Variants in MGAT4C observed in about 807,000 individuals in gnomAD.
MGAT4C encodes the protein alpha-1,3-mannosyl-glycoprotein 4-beta-N-acetylglucosaminyltransferase C.
A neutral mutation model predicts 40.1 loss-of-function variants in MGAT4C; 19 were observed. That is an observed-to-expected ratio of 0.47 (90% confidence interval 0.33 to 0.70). MGAT4C has a LOEUF of 0.70. Ranked by LOEUF, MGAT4C falls within the 30% of genes least tolerant of loss-of-function variation. The pLI, the probability that MGAT4C is intolerant of heterozygous loss-of-function variation, is 0.02. For synonymous variants in MGAT4C, 181 were observed against 187.1 expected (o/e 0.97, Z 0.27); for missense variants, 491 against 563.2 (o/e 0.87, Z 1.30).
chr12:86,408,479 C>CTCTCTCTCTCTATATATA (rs1267344319), intron 3 of MGAT4C, among the ~76,000 whole-genome samples: 11 of 63,340 alleles, frequency 1.7e-4, no homozygotes, highest in African/African-American at 7.8e-4. Flanking sequence ...CTCTCTCTCT[C>CTCTCTCTCTCTATATATA]TATATATATA....
intron 4 of MGAT4C, among the ~76,000 whole-genome samples, chr12:86,282,897 G>A (rs955535833): frequency 6.6e-6 from 1 of 152,068 alleles, no homozygotes; most frequent in African/African-American, 2.4e-5. Flanking sequence ...GTTTAGCAAA[G>A]CATTTTGTTA....
In MGAT4C at chr12:86,134,618, G is replaced by A. The variant is rs115932060; in HGVS notation, c.-56-84895C>T. Among the ~76,000 whole-genome samples, 827 of 152,064 alleles carry A rather than the reference G, an allele frequency of 5.4e-3. 8 individuals are homozygous for A. The highest frequency in any genetic ancestry group is 0.019 in the African/African-American group (788 of 41,488). On this transcript the variant is annotated intron_variant, in intron 1 of 4. Coordinates refer to ENST00000611864, the MANE Select transcript of MGAT4C (RefSeq NM_001351288.2). ...CAGTAATAGTCCTGAACCCCATGCC[G>A]TTTTGTCATGTAGTTACAGCTTGTC...
At chr12:86,118,737 T>C (rs1438220217) in intron 1 of MGAT4C, among the ~76,000 whole-genome samples, 6 of 152,156 alleles carry the variant, frequency 3.9e-5, no homozygotes, top group African/African-American at 1.4e-4. Context: ...TAAAAATAAA[T>C]AGAGATCACT....
chr12:86,783,994 G>A (rs1486329679), intron 1 of MGAT4C, among the ~76,000 whole-genome samples: 3 of 152,026 alleles, frequency 2.0e-5, no homozygotes, highest in Non-Finnish European at 4.4e-5. Flanking sequence ...AGGGCATTGT[G>A]GTGATAAGGT....
At chr12:86,796,751 A>AAT (rs759672626) in intron 1 of MGAT4C, among the ~76,000 whole-genome samples, 18 of 151,932 alleles carry the variant, frequency 1.2e-4, no homozygotes, top group African/African-American at 4.1e-4. Flanking sequence ...GTCATTCCAC[A>AAT]ATATATATAT....
chr12:86,710,298 G>T (rs545876087), intron 2 of MGAT4C, among the ~76,000 whole-genome samples: 44 of 152,214 alleles, frequency 2.9e-4, no homozygotes, highest in African/African-American at 1.1e-3. Flanking sequence ...TGATATTATT[G>T]TGCAACCTTT....
rs146000363 is a variant in MGAT4C, at chr12:86,703,975, A to G, written c.-229+23234T>C. 2.8e-4 allele frequency among the ~76,000 whole-genome samples: 43 copies of G among 152,300 alleles called. No homozygotes were observed. In the East Asian group the frequency reaches 8.1e-3, roughly 29 times the overall value. ...CTACTTTTATTGTTACTTTCTTTCC[A>G]TATAGACACAACTGTTTTAGACCAC... On this transcript the variant is annotated intron_variant, in intron 2 of 7. Transcript: ENST00000548651.
At chr12:86,186,450 A>G (rs983301204) in intron 1 of MGAT4C, among the ~76,000 whole-genome samples, 3 of 152,166 alleles carry the variant, frequency 2.0e-5, no homozygotes, top group Admixed American at 1.3e-4. Context: ...TATGGGCTAA[A>G]CATTAAATGT....
At chr12:86,135,813 C>G (rs1032119402) in intron 1 of MGAT4C, among the ~76,000 whole-genome samples, 1 of 152,098 alleles carries the variant, frequency 6.6e-6, no homozygotes, top group African/African-American at 2.4e-5. Context: ...ATATGTTTTT[C>G]AGATTAAGGT....
At chr12:86,438,668 G>A (rs189255449) in intron 2 of MGAT4C, among the ~76,000 whole-genome samples, 2 of 151,926 alleles carry the variant, frequency 1.3e-5, no homozygotes, top group East Asian at 3.9e-4. Flanking sequence ...CCACTTAAAT[G>A]ATACAGACTG....
At chr12:86,165,058 T>C (rs1389039480) in intron 1 of MGAT4C, among the ~76,000 whole-genome samples, 5 of 152,096 alleles carry the variant, frequency 3.3e-5, no homozygotes, top group African/African-American at 4.8e-5. Flanking sequence ...ATATGATAAT[T>C]TGGTAGATAG....
intron 1 of MGAT4C, among the ~76,000 whole-genome samples, chr12:86,109,624 G>A (rs1876856682): frequency 6.6e-6 from 1 of 151,888 alleles, no homozygotes; most frequent in Admixed American, 6.6e-5. Context: ...CTGTTTACAA[G>A]CATGGAAAAA....
At chr12:86,288,000 C>T (rs1953399216) in intron 4 of MGAT4C, among the ~76,000 whole-genome samples, 1 of 152,218 alleles carries the variant, frequency 6.6e-6, no homozygotes, top group Admixed American at 6.5e-5. Context: ...TCCACATCCT[C>T]TCCATCATCT....
At chr12:86,256,634 T>C (rs577317795), upstream of MGAT4C, among the ~76,000 whole-genome samples, 2 of 152,188 alleles carry the variant, frequency 1.3e-5, no homozygotes, top group Non-Finnish European at 2.9e-5. Flanking sequence ...AAGACTGATT[T>C]ACCTAATTAA....
chr12:86,816,649 T>C (rs1475513571), intron 1 of MGAT4C, among the ~76,000 whole-genome samples: 3 of 151,672 alleles, frequency 2.0e-5, no homozygotes, highest in Non-Finnish European at 4.4e-5. Context: ...TGCTAACATG[T>C]GCCACTAAAA....
chr12:86,052,645 A>G (rs1391404418), intron 1 of MGAT4C, among the ~76,000 whole-genome samples: 1 of 151,982 alleles, frequency 6.6e-6, no homozygotes, highest in Non-Finnish European at 1.5e-5. Context: ...ACATGAAAGA[A>G]AATGAAAGAC....
intron 4 of MGAT4C, among the ~76,000 whole-genome samples, chr12:86,270,507 T>C (rs1952919441): frequency 6.6e-6 from 1 of 152,172 alleles, no homozygotes; most frequent in Non-Finnish European, 1.5e-5. Context: ...ATAATTAAAA[T>C]CATACAATGT....
At chr12:86,773,945 CTTTTTTTT>C (rs140530916) in intron 1 of MGAT4C, among the ~76,000 whole-genome samples, 9 of 58,438 alleles carry the variant, frequency 1.5e-4, no homozygotes, top group Admixed American at 5.1e-4. Flanking sequence ...AAAGTAACTT[CTTTTTTTT>C]TTTTTTTTTT....
In MGAT4C at chr12:86,521,999, G is replaced by A. The variant is rs973294733; in HGVS notation, c.-228-86734C>T. ...GTTATTTATTAGCTGAAGGAGATTT[G>A]GGGCTGAGACTATGGGGTTTTCTAG... is the stretch of plus-strand genomic sequence containing the variant. On this transcript the variant is annotated intron_variant, in intron 2 of 7. Transcript: ENST00000548651. 3.9e-5 allele frequency among the ~76,000 whole-genome samples: 6 copies of A among 151,950 alleles called. No homozygotes were observed. The East Asian group carries it at 9.6e-4, about 24-fold the overall frequency.
Sources: gnomAD v4.1 joint callset for allele counts (sites outside exome capture counted in the v4.1 genomes callset) on GRCh38, gnomAD v4.1.1 for gene constraint, MANE v1.5 for transcripts, NCBI Gene and HGNC (gene_info 2026-07-23, HGNC 2026-07-21) for gene names.